PRAMEF18: variants seen among roughly 807,000 people sequenced by gnomAD.
PRAMEF18 encodes the protein PRAME family member-like.
Under a neutral mutation model 23.7 loss-of-function variants are expected in PRAMEF18, and 15 were observed. That is an observed-to-expected ratio of 0.63 (90% confidence interval 0.42 to 0.97). PRAMEF18 has a LOEUF of 0.97. Among genes scored for constraint, PRAMEF18 ranks in the 50% least tolerant of loss-of-function variants. The pLI, the probability that PRAMEF18 is intolerant of heterozygous loss-of-function variation, is 0.00. For synonymous variants in PRAMEF18, 78 were observed against 159.9 expected (o/e 0.49, Z 3.86); for missense variants, 223 against 418.6 (o/e 0.53, Z 4.08).
upstream of PRAMEF18, chr1:13,226,142 A>G (rs2100402493): frequency 6.2e-7 from 1 of 1,612,088 alleles, no homozygotes; most frequent in East Asian, 2.2e-5. Flanking sequence ...TCCAGAGAAG[A>G]CAAACTTATC....
chr1:13,224,841 C>G lies in PRAMEF18; in HGVS notation c.866+14G>C. On this transcript the variant is annotated intron_variant, in intron 2 of 2. Coordinates refer to ENST00000624297, the Ensembl canonical transcript of PRAMEF18. ...TGCTATGGCCCCCAGAGAAAGCTCA[C>G]CATCCTTCCTCACCTGATCAGCTGG... 1 of 1,613,856 alleles carries G rather than the reference C, an allele frequency of 6.2e-7. No individual in the cohort carries two copies. The highest frequency in any genetic ancestry group is 1.1e-5 in the South Asian group (1 of 91,062).
chr1:13,225,110 G>C, exon 2 of PRAMEF18: 1 of 1,613,928 alleles, frequency 6.2e-7, no homozygotes, highest in Non-Finnish European at 8.5e-7. Flanking sequence ...GATACTGTCT[G>C]GGTATACTGT....
exon 2 of PRAMEF18, chr1:13,224,921 T>C: frequency 6.2e-7 from 1 of 1,614,098 alleles, no homozygotes; most frequent in Non-Finnish European, 8.5e-7. Flanking sequence ...CTGGAGGTTC[T>C]CCAGCCTGAG....
intron 1 of PRAMEF18, 26 bp downstream of exon 1, chr1:13,225,794 G>A (rs974479384): frequency 1.2e-6 from 2 of 1,612,560 alleles, no homozygotes; most frequent in African/African-American, 2.7e-5. Context: ...TGGACACCTG[G>A]GCCCTCCCCA....
At chr1:13,224,783 CT>C in intron 2 of PRAMEF18, 71 bp downstream of exon 2, 1 of 1,609,958 alleles carries the variant, frequency 6.2e-7, no homozygotes, top group East Asian at 2.2e-5. Flanking sequence ...ACAGTAGATG[CT>C]GATTGGTGTT....
upstream of PRAMEF18, chr1:13,226,124 A>G (rs1638849836): frequency 1.2e-6 from 2 of 1,611,892 alleles, no homozygotes; most frequent in Middle Eastern, 2.2e-4. Flanking sequence ...AATCTGCAAG[A>G]AAACAAATCC....
chr1:13,225,624 G>A (rs1638838804), intron 1 of PRAMEF18, 191 bp from the exon 2 acceptor site: 1 of 1,159,262 alleles, frequency 8.6e-7, no homozygotes, highest in African/African-American at 1.6e-5. Flanking sequence ...ACTGGGAGCA[G>A]GCAGGTTCCT....
chr1:13,224,881 G>A (rs1638818963), exon 2 of PRAMEF18: 2 of 1,613,936 alleles, frequency 1.2e-6, no homozygotes, highest in Non-Finnish European at 1.7e-6. Context: ...GGTGGCCTCT[G>A]AAGAAGCAGA....
chr1:13,226,093 G>A (rs1279779211), exon 1 of PRAMEF18: 36 of 1,612,628 alleles, frequency 2.2e-5, no homozygotes, highest in Middle Eastern at 2.1e-4. Flanking sequence ...TCTGCGTGGG[G>A]CCTGGAAGCT....
chr1:13,224,866 G>C, exon 2 of PRAMEF18: 1 of 1,614,002 alleles, frequency 6.2e-7, no homozygotes, highest in Non-Finnish European at 8.5e-7. Context: ...TGATCAGCTG[G>C]TCCAGGTGGC....
In PRAMEF18 at chr1:13,226,099, A is replaced by G. The variant is rs1638849336; in HGVS notation, c.8T>C (p.Phe3Ser). Residue 3 changes from phenylalanine (F) to serine (S), a missense_variant, in exon 1 of 3, where the codon TTC (phenylalanine) becomes TCC (serine). Transcript: ENST00000624297. ...CTCCAGGAGTCTGCGTGGGGCCTGG[A>G]AGCTCATCCTGATAAATCTGCAAGA... 4 of 1,610,098 alleles carry G rather than the reference A, an allele frequency of 2.5e-6. No individual in the cohort carries two copies. In the Admixed American group the frequency reaches 5.0e-5, roughly 20 times the overall value.
Position 13,225,022 on chromosome 1 carries a change from AT to A in PRAMEF18, c.698del (p.Asn233IlefsTer15), listed in dbSNP as rs1455933017. ...CATCAGAGATGAAGAGTTTGCGAAG[AT>A]TCCTCATCTGGCTCAGGTAACGGCT... On this transcript the variant is annotated frameshift_variant, in exon 2 of 3. Transcript: ENST00000624297. LOFTEE classifies it high-confidence loss of function. 3 of 1,614,186 alleles carry A rather than the reference AT, an allele frequency of 1.9e-6. No homozygotes were observed. Among genetic ancestry groups the A allele is most frequent in the Non-Finnish European group, 2.5e-6 (3 of 1,179,972 alleles).
At chr1:13,225,456 G>A (rs1216350150) in intron 1 of PRAMEF18, 23 bp from the exon 2 acceptor site, 1 of 1,603,668 alleles carries the variant, frequency 6.2e-7, no homozygotes, top group Non-Finnish European at 8.5e-7. Context: ...TAGGGGAAAA[G>A]CTCAGAACGT....
intron 2 of PRAMEF18, chr1:13,224,559 T>TAACA (rs1638812184): frequency 1.7e-6 from 1 of 580,096 alleles, no homozygotes; most frequent in African/African-American, 1.9e-5. Context: ...ACACACTTCC[T>TAACA]AACAAGGAAT....
At chr1:13,226,070 C>A (rs1638848316) in exon 1 of PRAMEF18, 1 of 1,613,016 alleles carries the variant, frequency 6.2e-7, no homozygotes, top group South Asian at 1.1e-5. Flanking sequence ...CTCTGCCCTG[C>A]CAGCTCCAGG....
exon 2 of PRAMEF18, chr1:13,224,857 G>T: frequency 6.2e-7 from 1 of 1,613,978 alleles, no homozygotes; most frequent in Non-Finnish European, 8.5e-7. Flanking sequence ...TTCCTCACCT[G>T]ATCAGCTGGT....
rs1638835282 is a variant in PRAMEF18, at chr1:13,225,423, GT to G, written c.297del (p.Lys99AsnfsTer31). ...ACATCCCGCATTTCCAGCACTTGAA[GT>G]TTCCACCTCCTGTGAGTAACATAGG... On this transcript the variant is annotated frameshift_variant, in exon 2 of 3. Transcript: ENST00000624297. LOFTEE classifies it high-confidence loss of function. 6.2e-7 allele frequency: 1 copy of G among 1,609,646 alleles called. No individual in the cohort carries two copies. Among genetic ancestry groups the G allele is most frequent in the Admixed American group, 1.7e-5 (1 of 59,842 alleles).
chr1:13,225,005 A>T (rs1638822669), exon 2 of PRAMEF18: 1 of 1,614,050 alleles, frequency 6.2e-7, no homozygotes. Flanking sequence ...GCCATCAGAG[A>T]TGAAGAGTTT....
chr1:13,224,423 G>A, intron 2 of PRAMEF18: 1 of 258,134 alleles, frequency 3.9e-6, no homozygotes, highest in Non-Finnish European at 7.3e-6. Context: ...GAATCAGAGA[G>A]AGGATCATTC....
Sources: gnomAD v4.1 joint callset for allele counts on GRCh38, gnomAD v4.1.1 for gene constraint, MANE v1.5 for transcripts, NCBI Gene and HGNC (gene_info 2026-07-23, HGNC 2026-07-21) for gene names.